RSU1: variants seen among roughly 807,000 people sequenced by gnomAD.
The protein encoded by RSU1 is rsu-1.
A neutral mutation model predicts 31.1 loss-of-function variants in RSU1; 26 were observed. That is an observed-to-expected ratio of 0.84 (90% CI 0.61 to 1.16). The LOEUF is 1.16. RSU1 is among the 50% of genes most tolerant of loss of function. The probability of loss-of-function intolerance (pLI) is 0.00; values close to 1 mark genes in which losing one functional copy is unlikely to be tolerated. For synonymous variants in RSU1, 164 were observed against 136.3 expected (o/e 1.20, Z -1.41); for missense variants, 320 against 339.1 (o/e 0.94, Z 0.44).
chr10:16,708,627 G>C (rs1835953808), intron 7 of RSU1, among the ~76,000 whole-genome samples: 1 of 152,016 alleles, frequency 6.6e-6, no homozygotes, highest in South Asian at 2.1e-4. Context: ...AATGTCATTA[G>C]TATTTTGATA....
chr10:16,622,134 A>G (rs148743721), intron 8 of RSU1, among the ~76,000 whole-genome samples: 328 of 152,232 alleles, frequency 2.2e-3, no homozygotes, highest in African/African-American at 7.2e-3. Context: ...TAAAACCCCA[A>G]TACAGGTGCT....
chr10:16,808,600 C>T (rs376756884), intron 2 of RSU1, among the ~76,000 whole-genome samples: 37 of 151,798 alleles, frequency 2.4e-4, no homozygotes, highest in African/African-American at 6.8e-4. Flanking sequence ...AAAATGCTGA[C>T]GGTAGGTGAA....
chr10:16,644,269 A>G (rs1244232893), intron 8 of RSU1, among the ~76,000 whole-genome samples: 1 of 152,194 alleles, frequency 6.6e-6, no homozygotes, highest in Non-Finnish European at 1.5e-5. Context: ...TACAAATTAT[A>G]TAGGAAGTTC....
intron 8 of RSU1, among the ~76,000 whole-genome samples, chr10:16,689,896 G>A (rs1588716693): frequency 6.6e-6 from 1 of 152,234 alleles, no homozygotes; most frequent in Non-Finnish European, 1.5e-5. Context: ...GGACTGCCAT[G>A]CTTGGCAAAT....
intron 3 of RSU1, among the ~76,000 whole-genome samples, chr10:16,769,158 A>G (rs1837374835): frequency 6.6e-6 from 1 of 152,198 alleles, no homozygotes; most frequent in African/African-American, 2.4e-5. Context: ...TAACAATCGC[A>G]GTTTCAATTC....
chr10:16,684,298 C>G (rs1401063947), intron 8 of RSU1, among the ~76,000 whole-genome samples: 1 of 152,008 alleles, frequency 6.6e-6, no homozygotes, highest in Non-Finnish European at 1.5e-5. Flanking sequence ...GAAAGTAAGT[C>G]AGGATATGTA....
intron 8 of RSU1, among the ~76,000 whole-genome samples, chr10:16,646,948 C>T (rs531132043): frequency 6.6e-6 from 1 of 151,898 alleles, no homozygotes; most frequent in Non-Finnish European, 1.5e-5. Context: ...CAGATGGTAA[C>T]ATGTGTTGGC....
chr10:16,605,246 T>G (rs368292105), intron 8 of RSU1, among the ~76,000 whole-genome samples: 6 of 152,260 alleles, frequency 3.9e-5, no homozygotes, highest in East Asian at 1.9e-4. Flanking sequence ...GCCCACACTT[T>G]CTATCTTTGA....
At chr10:16,757,228 T>A (rs1268140786) in intron 4 of RSU1, among the ~76,000 whole-genome samples, 1 of 152,024 alleles carries the variant, frequency 6.6e-6, no homozygotes, top group Non-Finnish European at 1.5e-5. Context: ...CCTTTGAGCA[T>A]ACTTAAAAGC....
chr10:16,709,516 T>C (rs571169259), intron 7 of RSU1, among the ~76,000 whole-genome samples: 12 of 152,186 alleles, frequency 7.9e-5, no homozygotes, highest in Non-Finnish European at 1.2e-4. Flanking sequence ...TACCCAGCAA[T>C]GGGATGGCTG....
intron 7 of RSU1, among the ~76,000 whole-genome samples, chr10:16,724,715 C>T (rs76601994): frequency 0.037 from 5,643 of 152,272 alleles, 363 homozygotes; most frequent in African/African-American, 0.13. Flanking sequence ...CCACTGACAG[C>T]CTCTATTTCA....
chr10:16,679,839 C>T (rs1039641541), intron 8 of RSU1, among the ~76,000 whole-genome samples: 6 of 149,290 alleles, frequency 4.0e-5, no homozygotes, highest in African/African-American at 1.2e-4. Flanking sequence ...GATGGAAAAA[C>T]TCCCCTCATC....
rs902926438 is a variant in RSU1, at chr10:16,730,841, C to T, written c.598+21698G>A. ...AAAGCAATGTTGTTGTTTTTTTCAG[C>T]GAGACTGAGTCTCACTCTGTCGCCC... On this transcript the variant is annotated intron_variant, in intron 7 of 8. Coordinates refer to ENST00000345264, the MANE Select transcript of RSU1 (RefSeq NM_012425.4). Among the ~76,000 whole-genome samples, 45 of 151,922 alleles carry T rather than the reference C, an allele frequency of 3.0e-4. 1 individual carries two copies. Among genetic ancestry groups the T allele is most frequent in the Admixed American group, 2.8e-3 (43 of 15,248 alleles).
intron 8 of RSU1, among the ~76,000 whole-genome samples, chr10:16,636,761 T>C (rs1409939506): frequency 6.6e-6 from 1 of 152,162 alleles, no homozygotes; most frequent in African/African-American, 2.4e-5. Context: ...AGTCCCACTG[T>C]CTGAAACATT....
chr10:16,683,449 G>T (rs918004886), intron 8 of RSU1, among the ~76,000 whole-genome samples: 5 of 152,064 alleles, frequency 3.3e-5, no homozygotes, highest in Non-Finnish European at 7.4e-5. Flanking sequence ...CCACTATAAT[G>T]GTTAATTTGT....
At chr10:16,811,278 G>C (rs11254216) in intron 2 of RSU1, among the ~76,000 whole-genome samples, 3,972 of 152,156 alleles carry the variant, frequency 0.026, 60 homozygotes, top group Non-Finnish European at 0.038. Flanking sequence ...GACATTCTGG[G>C]AATGACCACA....
chr10:16,653,754 C>T (rs1834725625), intron 8 of RSU1, among the ~76,000 whole-genome samples: 4 of 152,080 alleles, frequency 2.6e-5, no homozygotes, highest in South Asian at 2.1e-4. Flanking sequence ...AAGATAATAT[C>T]GGACAAGAGC....
At chr10:16,678,070 A>T (rs1835266038) in intron 8 of RSU1, among the ~76,000 whole-genome samples, 1 of 152,194 alleles carries the variant, frequency 6.6e-6, no homozygotes. Flanking sequence ...CAATTCTTTC[A>T]AGATCCATTC....
At chr10:16,790,812 T>C (rs970615701) in intron 2 of RSU1, among the ~76,000 whole-genome samples, 1 of 152,162 alleles carries the variant, frequency 6.6e-6, no homozygotes, top group African/African-American at 2.4e-5. Flanking sequence ...CTATTTGTTC[T>C]CTCTTTCTCC....
Sources: gnomAD v4.1 joint callset for allele counts (sites outside exome capture counted in the v4.1 genomes callset) on GRCh38, gnomAD v4.1.1 for gene constraint, MANE v1.5 for transcripts, NCBI Gene and HGNC (gene_info 2026-07-23, HGNC 2026-07-21) for gene names.